Variants in FLVCR1 observed in about 807,000 individuals in gnomAD.
The protein encoded by FLVCR1 is FLVCR choline and heme transporter 1, also known as choline/ethanolamine transporter FLVCR1.
FLVCR1 carries 34 observed loss-of-function variants against 53.6 expected under a neutral mutation model. The ratio of observed to expected loss-of-function variants is 0.63; its 90% CI spans 0.48 to 0.84. The LOEUF (loss-of-function observed/expected upper bound fraction) is 0.84, where lower values mean the gene tolerates loss of function less well. Among genes scored for constraint, FLVCR1 ranks in the 40% least tolerant of loss-of-function variants. The pLI, the probability that FLVCR1 is intolerant of heterozygous loss-of-function variation, is 0.00. For missense variants in FLVCR1, 677 were observed against 696.7 expected, an observed-to-expected ratio of 0.97 and a Z score of 0.32; for synonymous variants, 300 against 286.3, an observed-to-expected ratio of 1.05 and a Z score of -0.48.
intron 2 of FLVCR1, among the ~76,000 whole-genome samples, chr1:212,870,503 A>G (rs1444908500): frequency 6.6e-6 from 1 of 152,144 alleles, no homozygotes; most frequent in Non-Finnish European, 1.5e-5. Flanking sequence ...CCTTGGGTAG[A>G]ATCTCAAAAT....
At chr1:212,885,492 A>G in intron 5 of FLVCR1, 96 bp downstream of exon 5, 2 of 848,054 alleles carry the variant, frequency 2.4e-6, no homozygotes, top group Non-Finnish European at 3.9e-6. Flanking sequence ...AAAACATGTT[A>G]TTACTTAAAG....
intron 6 of FLVCR1, 42 bp downstream of exon 6, chr1:212,888,043 T>A: frequency 8.9e-7 from 1 of 1,129,660 alleles, no homozygotes; most frequent in Non-Finnish European, 1.4e-6. Context: ...AGCATGCTGT[T>A]ATAATTCTGA....
chr1:212,874,529 T>TTC (rs1553264300), intron 3 of FLVCR1, among the ~76,000 whole-genome samples: 1 of 17,012 alleles, frequency 5.9e-5, no homozygotes, highest in Non-Finnish European at 2.4e-4. Flanking sequence ...TTTTTTTCTT[T>TTC]TTTTTTTTTT....
chr1:212,863,539 A>G (rs1265126657), intron 1 of FLVCR1, 186 bp from the exon 2 acceptor site: 4 of 553,422 alleles, frequency 7.2e-6, no homozygotes, highest in Non-Finnish European at 1.3e-5. Context: ...CAGTGAGCCA[A>G]GATTGCGTCA....
At chr1:212,883,258 A>G (rs973907251) in intron 3 of FLVCR1, 113 bp from the exon 4 acceptor site, 12 of 689,866 alleles carry the variant, frequency 1.7e-5, no homozygotes, top group Admixed American at 7.0e-5. Flanking sequence ...TATTTCCACA[A>G]TTGTCACATA....
chr1:212,888,797 C>G (rs772454738), intron 7 of FLVCR1, among the ~76,000 whole-genome samples: 1 of 152,064 alleles, frequency 6.6e-6, no homozygotes. Flanking sequence ...CAATCCTCCC[C>G]CCTCTGCCTC....
In FLVCR1 at chr1:212,898,282, C is replaced by T. The variant is rs1040754779; in HGVS notation, c.*2992C>T. The T allele has an allele frequency of 2.6e-5, 4 of 152,186 alleles. No homozygotes were observed. The highest frequency in any genetic ancestry group is 2.1e-4 in the South Asian group (1 of 4,834). The allele number at this position is 152,186 out of a possible 1,614,324, so 9.4% of individuals were successfully genotyped here. A position where few individuals can be genotyped will look rare whatever the true frequency, so the allele number is the denominator to read the frequency against. The stretch of plus-strand genomic sequence containing the variant: ...TGTGATTGCTACCTTATGGATACAA[C>T]GGACTTTTACATTTCTTTTTAGCCT... On this transcript the variant is annotated 3_prime_UTR_variant, in exon 10 of 10. Coordinates refer to ENST00000366971, the MANE Select transcript of FLVCR1 (RefSeq NM_014053.4).
chr1:212,875,236 A>T (rs1245919827), intron 3 of FLVCR1, among the ~76,000 whole-genome samples: 1 of 152,240 alleles, frequency 6.6e-6, no homozygotes, highest in Non-Finnish European at 1.5e-5. Flanking sequence ...GGGAGATAAT[A>T]TAAACATCTG....
In FLVCR1 at chr1:212,861,182, C is replaced by T. The variant is rs571277877; in HGVS notation, c.738+1992C>T. Among the ~76,000 whole-genome samples the T allele has an allele frequency of 2.0e-5, 3 of 152,328 alleles. No homozygotes were observed. The East Asian group carries it at 5.8e-4, about 29-fold the overall frequency. Reference sequence around the variant, plus strand: ...TATCTGTATGCACAACCCCTGTCCCCACAGACATATGCTTTCTCTGCTCTG... The same window carrying T: ...TATCTGTATGCACAACCCCTGTCCCTACAGACATATGCTTTCTCTGCTCTG... On this transcript the variant is annotated intron_variant, in intron 1 of 9. Coordinates refer to ENST00000366971, the MANE Select transcript of FLVCR1 (RefSeq NM_014053.4).
At chr1:212,871,830 T>C (rs1664605349) in intron 2 of FLVCR1, among the ~76,000 whole-genome samples, 1 of 152,144 alleles carries the variant, frequency 6.6e-6, no homozygotes, top group Admixed American at 6.5e-5. Context: ...AATTTCTAAC[T>C]AGAAATGGAT....
intron 3 of FLVCR1, among the ~76,000 whole-genome samples, chr1:212,873,358 A>C (rs1664662593): frequency 6.6e-6 from 1 of 152,164 alleles, no homozygotes; most frequent in African/African-American, 2.4e-5. Context: ...CAAATACAGA[A>C]ACTCGGTCTT....
At chr1:212,869,777 T>A (rs1664544265) in intron 2 of FLVCR1, among the ~76,000 whole-genome samples, 2 of 152,236 alleles carry the variant, frequency 1.3e-5, no homozygotes, top group African/African-American at 4.8e-5. Flanking sequence ...CTCAGGTGAG[T>A]TGCCCGCCTC....
rs936422270 is a variant in FLVCR1, at chr1:212,897,894, A to G, written c.*2604A>G. ...TGAGATTGGAGGGACAAGTATCCCA[A>G]CTATATCAGGCAGAATATATGCATT... On this transcript the variant is annotated 3_prime_UTR_variant, in exon 10 of 10. Coordinates refer to ENST00000366971, the MANE Select transcript of FLVCR1 (RefSeq NM_014053.4). The G allele has an allele frequency of 6.6e-6, 1 of 152,226 alleles. No individual in the cohort carries two copies. The highest frequency in any genetic ancestry group is 2.4e-5 in the African/African-American group (1 of 41,458). 9.4% of individuals were successfully genotyped at this position (152,226 alleles called of 1,614,324 possible). A position where few individuals can be genotyped will look rare whatever the true frequency, so the allele number is the denominator to read the frequency against.
At chr1:212,864,062 T>C (rs1321896742) in intron 2 of FLVCR1, among the ~76,000 whole-genome samples, 193 bp downstream of exon 2, 1 of 152,196 alleles carries the variant, frequency 6.6e-6, no homozygotes, top group African/African-American at 2.4e-5. Context: ...ATTTTCACAT[T>C]GTGAAGGGTT....
chr1:212,871,484 C>G (rs774983288), intron 2 of FLVCR1, among the ~76,000 whole-genome samples: 3 of 152,130 alleles, frequency 2.0e-5, no homozygotes, highest in Non-Finnish European at 4.4e-5. Flanking sequence ...CTCACTGCAG[C>G]CTGTATTCCT....
At position 212,889,242 on chromosome 1, in the gene FLVCR1, G is replaced by A; in HGVS notation, c.1510G>A (p.Gly504Ser). 1 of 1,608,586 alleles carries A rather than the reference G, an allele frequency of 6.2e-7. No individual in the cohort carries two copies. Among genetic ancestry groups the A allele is most frequent in the East Asian group, 2.2e-5 (1 of 44,838 alleles). Residue 504 changes from glycine to serine, a missense_variant, in exon 8 of 10, where the codon GGC (glycine) becomes AGC (serine). Gly to Ser is a moderately conservative substitution (Grantham distance 56). Transcript: ENST00000366971. ...TTTTCTCTGTGTCTGGATGTTTATA[G>A]GCATCATATTAACAGGTAAATTAGG... ...NIFLCVWMFI[G>S]IILTALIKSD...
intron 2 of FLVCR1, among the ~76,000 whole-genome samples, chr1:212,872,227 C>G (rs1447357461): frequency 1.3e-5 from 2 of 152,088 alleles, no homozygotes; most frequent in African/African-American, 4.8e-5. Context: ...GGTTCTTCCC[C>G]CTTCAACCTC....
chr1:212,876,167 T>A (rs139914917), intron 3 of FLVCR1, among the ~76,000 whole-genome samples: 10 of 152,180 alleles, frequency 6.6e-5, no homozygotes, highest in African/African-American at 2.4e-4. Context: ...CTATTATTTC[T>A]GATGCTCTTC....
intron 6 of FLVCR1, 34 bp downstream of exon 6, chr1:212,888,035 C>T (rs1665102225): frequency 8.5e-7 from 1 of 1,171,504 alleles, no homozygotes; most frequent in East Asian, 2.3e-5. Context: ...GGAATGATAG[C>T]ATGCTGTTAT....
Sources: allele counts gnomAD v4.1 joint callset (sites outside exome capture counted in the v4.1 genomes callset), GRCh38; gene constraint gnomAD v4.1.1; transcripts MANE v1.5; gene names NCBI Gene and HGNC (gene_info 2026-07-23, HGNC 2026-07-21).